Variants in ASIC2 observed in about 807,000 individuals in gnomAD.
The protein encoded by ASIC2 is acid-sensing ion channel 2.
Under a neutral mutation model 57.3 loss-of-function variants are expected in ASIC2, and 25 were observed. The observed-to-expected ratio is 0.44, with a 90% CI of 0.32 to 0.61. ASIC2 has a LOEUF of 0.61. Ranked by LOEUF, ASIC2 falls within the 20% of genes least tolerant of loss-of-function variation. ASIC2 has a pLI of 0.06. For synonymous variants in ASIC2, 319 were observed against 307.5 expected (o/e 1.04, Z -0.39); for missense variants, 641 against 738.1 (o/e 0.87, Z 1.52).
chr17:33,922,611 T>C (rs1915730843), intron 1 of ASIC2, among the ~76,000 whole-genome samples: 1 of 152,242 alleles, frequency 6.6e-6, no homozygotes, highest in Admixed American at 6.5e-5. Flanking sequence ...GTGAACTATG[T>C]ATCAGGCTCT....
chr17:33,023,896 A>C lies in ASIC2; in HGVS notation c.1314T>G (p.Leu438=). 1.2e-6 allele frequency: 2 copies of C among 1,614,202 alleles called. No homozygotes were observed. Among genetic ancestry groups the C allele is most frequent in the African/African-American group, 2.7e-5 (2 of 75,034 alleles). The change falls in exon 6 of 10, where the codon CTT becomes CTG. Residue 438 remains leucine, a synonymous_variant. Coordinates refer to ENST00000225823, the MANE Select transcript of ASIC2 (RefSeq NM_183377.2). ...TTTCTGATTTGTTAAATTTCTTCTC[A>C]AGGTACTTGGCTGATGTCTTGCTGG... The part of the protein sequence containing the change: ...KIPSKTSAKY[L]EKKFNKSEKY...
intron 1 of ASIC2, among the ~76,000 whole-genome samples, chr17:33,474,303 G>T (rs2141921729): frequency 6.6e-6 from 1 of 152,294 alleles, no homozygotes; most frequent in East Asian, 1.9e-4. Flanking sequence ...GGAGGTGGAG[G>T]TTGCAGTGAG....
In ASIC2 at chr17:34,115,926, G is replaced by C. The variant is rs35097590; in HGVS notation, c.555+40052C>G. On this transcript the variant is annotated intron_variant, in intron 1 of 9. Transcript: ENST00000359872. ...TTTTAACAGCAGATAATGGGGAGAA[G>C]GCTGATGGGATCCACTCTATATGGG... 6.1e-3 allele frequency among the ~76,000 whole-genome samples: 934 copies of C among 152,268 alleles called. 14 individuals carry two copies. The highest frequency in any genetic ancestry group is 0.022 in the African/African-American group (894 of 41,542).
rs117153930 is a variant in ASIC2, at chr17:33,130,828, C to T, written c.709-18761G>A. ...CAGACATCTAAGGGCCCTAAGCCTG[C>T]GGAGAGGGGAGTGGAGCGAGATGGG... On this transcript the variant is annotated intron_variant, in intron 1 of 9. Transcript: ENST00000225823. Among the ~76,000 whole-genome samples the T allele has an allele frequency of 7.8e-4, 119 of 152,198 alleles. 2 individuals are homozygous for T. The East Asian group carries it at 0.019, about 24-fold the overall frequency.
chr17:33,395,840 C>G (rs1033822147), intron 1 of ASIC2, among the ~76,000 whole-genome samples: 3 of 152,016 alleles, frequency 2.0e-5, no homozygotes, highest in Non-Finnish European at 4.4e-5. Flanking sequence ...TTGGCACTTA[C>G]CAGTTGACGG....
At chr17:33,300,192 A>C (rs931487092) in intron 1 of ASIC2, among the ~76,000 whole-genome samples, 1 of 152,290 alleles carries the variant, frequency 6.6e-6, no homozygotes, top group African/African-American at 2.4e-5. Context: ...TCTTTTAGAG[A>C]TACTTTATGA....
intron 1 of ASIC2, among the ~76,000 whole-genome samples, chr17:33,467,905 A>G (rs1429620320): frequency 6.6e-6 from 1 of 152,212 alleles, no homozygotes; most frequent in African/African-American, 2.4e-5. Context: ...AGGGCTGTGC[A>G]TTGGCCATGG....
At chr17:33,363,244 G>T (rs1908679933) in intron 1 of ASIC2, among the ~76,000 whole-genome samples, 1 of 152,088 alleles carries the variant, frequency 6.6e-6, no homozygotes, top group Admixed American at 6.5e-5. Context: ...ACAGAACCAG[G>T]GGCAGGGGGA....
chr17:33,383,412 T>C (rs1180838256), intron 1 of ASIC2, among the ~76,000 whole-genome samples: 1 of 152,248 alleles, frequency 6.6e-6, no homozygotes, highest in African/African-American at 2.4e-5. Flanking sequence ...GTTCGGCTCC[T>C]ACCTCCTGGG....
At chr17:33,015,530 A>T (rs889236906) in intron 9 of ASIC2, among the ~76,000 whole-genome samples, 4 of 152,216 alleles carry the variant, frequency 2.6e-5, no homozygotes, top group African/African-American at 9.7e-5. Context: ...TATAATGGGC[A>T]CTATTGCTAC....
chr17:33,111,843 G>A, intron 2 of ASIC2, 74 bp downstream of exon 2: 4 of 1,537,238 alleles, frequency 2.6e-6, no homozygotes, highest in Non-Finnish European at 3.5e-6. Flanking sequence ...GGCCAAGACA[G>A]CTCACCAGCC....
intron 1 of ASIC2, among the ~76,000 whole-genome samples, chr17:33,525,219 G>A (rs1035759769): frequency 4.6e-5 from 7 of 152,118 alleles, no homozygotes; most frequent in Admixed American, 6.5e-5. Flanking sequence ...GCTAGACTGC[G>A]CAACACTTCC....
intron 1 of ASIC2, among the ~76,000 whole-genome samples, chr17:33,130,389 A>G (rs186184999): frequency 6.6e-6 from 1 of 152,306 alleles, no homozygotes; most frequent in East Asian, 1.9e-4. Context: ...CTTGGGTGAT[A>G]GGTACAAGGG....
intron 1 of ASIC2, among the ~76,000 whole-genome samples, chr17:34,017,132 T>C (rs1444563310): frequency 6.6e-6 from 1 of 152,234 alleles, no homozygotes; most frequent in African/African-American, 2.4e-5. Flanking sequence ...ATTTGTCAAA[T>C]AGCATGTGCT....
At chr17:33,926,324 G>A (rs1314355030) in intron 1 of ASIC2, among the ~76,000 whole-genome samples, 1 of 152,072 alleles carries the variant, frequency 6.6e-6, no homozygotes, top group Non-Finnish European at 1.5e-5. Context: ...AAATGCTTGG[G>A]ACCAGACGTA....
chr17:33,103,336 T>C (rs2092221679), intron 2 of ASIC2, among the ~76,000 whole-genome samples: 1 of 152,186 alleles, frequency 6.6e-6, no homozygotes, highest in Non-Finnish European at 1.5e-5. Flanking sequence ...ACCCTATAAA[T>C]GTAGATAATA....
At chr17:33,321,554 T>A (rs2142215921) in intron 1 of ASIC2, among the ~76,000 whole-genome samples, 1 of 152,332 alleles carries the variant, frequency 6.6e-6, no homozygotes, top group South Asian at 2.1e-4. Context: ...ATGTAGTACC[T>A]CTGGGCACAT....
chr17:34,016,610 A>C (rs1215549949), intron 1 of ASIC2, among the ~76,000 whole-genome samples: 1 of 152,090 alleles, frequency 6.6e-6, no homozygotes, highest in Non-Finnish European at 1.5e-5. Context: ...ATAAAAAAGG[A>C]GATGGTTATA....
chr17:33,359,415 A>T (rs1171912790), intron 1 of ASIC2, among the ~76,000 whole-genome samples: 1 of 152,184 alleles, frequency 6.6e-6, no homozygotes, highest in Admixed American at 6.5e-5. Context: ...AGAAAGAGTC[A>T]ATTGAACATG....
Sources: gnomAD v4.1 joint callset for allele counts (sites outside exome capture counted in the v4.1 genomes callset) on GRCh38, gnomAD v4.1.1 for gene constraint, MANE v1.5 for transcripts, NCBI Gene and HGNC (gene_info 2026-07-23, HGNC 2026-07-21) for gene names.